The following TTBK2 variants were observed in gnomAD, a reference collection of about 807,000 sequenced individuals.
TTBK2 encodes the protein tau tubulin kinase 2, also known as tau-tubulin kinase 2.
TTBK2 carries 28 observed loss-of-function variants against 110.8 expected under a neutral mutation model. The ratio of observed to expected loss-of-function variants is 0.25; its 90% CI spans 0.19 to 0.35. The LOEUF (loss-of-function observed/expected upper bound fraction) is 0.35, where lower values mean the gene tolerates loss of function less well. Among genes scored for constraint, TTBK2 ranks in the 10% least tolerant of loss-of-function variants. The pLI is 1.00. For synonymous variants in TTBK2, 532 were observed against 527.3 expected (o/e 1.01, Z -0.12); for missense variants, 1,369 against 1,500.3 (o/e 0.91, Z 1.45).
intron 1 of TTBK2, among the ~76,000 whole-genome samples, chr15:42,902,562 T>C (rs536901423): frequency 6.6e-6 from 1 of 152,206 alleles, no homozygotes; most frequent in African/African-American, 2.4e-5. Flanking sequence ...CCAGTTCACT[T>C]CCATTAATAT....
intron 12 of TTBK2, 139 bp downstream of exon 12, chr15:42,776,892 G>C: frequency 1.3e-6 from 1 of 787,548 alleles, no homozygotes. Context: ...GAGCTGAATA[G>C]ACTCAGTGTT....
chr15:42,867,698 T>C (rs1047752477), intron 3 of TTBK2, among the ~76,000 whole-genome samples: 2 of 152,214 alleles, frequency 1.3e-5, no homozygotes, highest in African/African-American at 4.8e-5. Context: ...CTGGTGAGGA[T>C]GTGGAACAAC....
chr15:42,862,298 G>A (rs1262528986), intron 3 of TTBK2, among the ~76,000 whole-genome samples: 1 of 152,048 alleles, frequency 6.6e-6, no homozygotes, highest in South Asian at 2.1e-4. Context: ...AAAACTTCGG[G>A]CCAATATCCA....
At chr15:42,764,016 G>A (rs149675754) in intron 13 of TTBK2, among the ~76,000 whole-genome samples, 519 of 152,228 alleles carry the variant, frequency 3.4e-3, no homozygotes, top group African/African-American at 0.012. Context: ...AGAAAAGATG[G>A]ACTAAAACAA....
chr15:42,874,339 G>T (rs1894728907), intron 2 of TTBK2, among the ~76,000 whole-genome samples: 1 of 149,598 alleles, frequency 6.7e-6, no homozygotes, highest in Admixed American at 6.6e-5. Context: ...TTTTTGAGTT[G>T]GTAGTCTCAC....
At chr15:42,891,029 C>A (rs535646865) in intron 1 of TTBK2, among the ~76,000 whole-genome samples, 90 of 151,944 alleles carry the variant, frequency 5.9e-4, no homozygotes, top group Non-Finnish European at 9.0e-4. Context: ...CCACCACGCC[C>A]GGCTAATTTT....
chr15:42,796,024 G>A (rs1890924476), intron 9 of TTBK2, among the ~76,000 whole-genome samples: 1 of 152,044 alleles, frequency 6.6e-6, no homozygotes, highest in Non-Finnish European at 1.5e-5. Flanking sequence ...TGAGCCACTG[G>A]GTCAGTGCAG....
intron 14 of TTBK2, among the ~76,000 whole-genome samples, chr15:42,748,352 G>T (rs1487501851): frequency 1.3e-5 from 2 of 152,010 alleles, no homozygotes; most frequent in Non-Finnish European, 2.9e-5. Flanking sequence ...AGCTATTCGG[G>T]ACACTGAGAC....
intron 10 of TTBK2, among the ~76,000 whole-genome samples, chr15:42,794,066 C>A (rs1595916631): frequency 2.9e-5 from 4 of 137,410 alleles, no homozygotes; most frequent in African/African-American, 5.4e-5. Flanking sequence ...TTTTTTTTGA[C>A]CAAAAAGTTT....
intron 10 of TTBK2, among the ~76,000 whole-genome samples, chr15:42,790,916 C>T (rs1296456643): frequency 1.3e-5 from 2 of 152,076 alleles, no homozygotes; most frequent in African/African-American, 4.8e-5. Context: ...TGGAGTCTCG[C>T]TCTGTCATCC....
intron 6 of TTBK2, among the ~76,000 whole-genome samples, chr15:42,824,059 CCAGGCTCTTTTTAACAAT>C (rs1892423877): frequency 6.6e-6 from 1 of 152,006 alleles, no homozygotes; most frequent in African/African-American, 2.4e-5. Context: ...GGGGAAGGTG[CCAGGCTCTTTTTAACAAT>C]CAGCTCTCAT....
intron 3 of TTBK2, among the ~76,000 whole-genome samples, chr15:42,840,980 T>G (rs1027825588): frequency 2.6e-5 from 4 of 152,080 alleles, no homozygotes; most frequent in African/African-American, 9.7e-5. Flanking sequence ...AGCAGAAATC[T>G]CATTAAAGAA....
Position 42,752,168 on chromosome 15 carries a change from C to G in TTBK2, c.3078G>C (p.Leu1026=), listed in dbSNP as rs1411301879. The change falls in exon 14 of 15, where the codon CTG becomes CTC. Residue 1026 remains leucine, a synonymous_variant. Transcript: ENST00000267890. ...EEEVLTPFSR[L]TVDSHLSRSA... is the part of the protein sequence containing the mutation. The stretch of plus-strand genomic sequence containing the variant: ...ACCTACTCAGGTGAGAATCTACTGT[C>G]AGTCTTGAAAAGGGAGTGAGCACTT... 6.2e-7 allele frequency: 1 copy of G among 1,614,174 alleles called. No individual in the cohort carries two copies. The highest frequency in any genetic ancestry group is 8.5e-7 in the Non-Finnish European group (1 of 1,180,034).
At chr15:42,813,374 T>C (rs1290729580) in intron 7 of TTBK2, among the ~76,000 whole-genome samples, 1 of 151,458 alleles carries the variant, frequency 6.6e-6, no homozygotes, top group Non-Finnish European at 1.5e-5. Flanking sequence ...ATACAAAAAT[T>C]AGCCAAGTGT....
chr15:42,821,687 T>G (rs151140746), intron 6 of TTBK2, among the ~76,000 whole-genome samples: 2,339 of 130,666 alleles, frequency 0.018, 63 homozygotes, highest in African/African-American at 0.074. Flanking sequence ...TTGTTTTTTG[T>G]TTTTTTTTTG....
At chr15:42,815,860 A>C (rs112255843) in intron 7 of TTBK2, among the ~76,000 whole-genome samples, 2,370 of 123,132 alleles carry the variant, frequency 0.019, 65 homozygotes, top group African/African-American at 0.048. Context: ...CTCTCTCTCT[A>C]TATATATATA....
chr15:42,794,665 C>T lies in TTBK2; in HGVS notation c.959G>A (p.Arg320His), dbSNP rs1357204824. 23 of 1,613,898 alleles carry T rather than the reference C, an allele frequency of 1.4e-5. No individual in the cohort carries two copies. The highest frequency in any genetic ancestry group is 1.9e-5 in the Non-Finnish European group (22 of 1,180,016). The change falls in exon 10 of 15, where the codon CGC becomes CAC. Residue 320 changes from arginine (R) to histidine (H), a missense_variant. Arg to His is a conservative substitution (Grantham distance 29). Transcript: ENST00000267890. Reference protein sequence around the residue: ...TTSTTPQLHTRLTPAAIGIAN... With the variant: ...TTSTTPQLHTHLTPAAIGIAN... ...ATACCCAATTGCAGCAGGGGTCAAGCGAGTGTGCAACTGAGGGGTGGTAGA... is the reference window on the plus strand; with the variant it reads ...ATACCCAATTGCAGCAGGGGTCAAGTGAGTGTGCAACTGAGGGGTGGTAGA...
intron 3 of TTBK2, among the ~76,000 whole-genome samples, chr15:42,844,705 G>A (rs1406296711): frequency 6.6e-6 from 1 of 152,142 alleles, no homozygotes; most frequent in Non-Finnish European, 1.5e-5. Context: ...AGAAATAGAG[G>A]CCTAGGGAGG....
rs2061741571 is a variant in TTBK2, at chr15:42,740,178, G to A, written c.*5617C>T. On this transcript the variant is annotated 3_prime_UTR_variant, in exon 15 of 15. Coordinates refer to ENST00000267890, the MANE Select transcript of TTBK2 (RefSeq NM_173500.4). ...GGGAGGCATGGTCAGCATCGCCAGTGTACATATATTCTGTGCCCATACTAC... is the reference window on the plus strand; with the variant it reads ...GGGAGGCATGGTCAGCATCGCCAGTATACATATATTCTGTGCCCATACTAC... 6.6e-6 allele frequency: 1 copy of A among 152,168 alleles called. No individual in the cohort carries two copies. The highest frequency in any genetic ancestry group is 2.1e-4 in the South Asian group (1 of 4,824). 9.4% of individuals were successfully genotyped at this position (152,168 alleles called of 1,614,324 possible).
Sources: gnomAD v4.1 joint callset for allele counts (sites outside exome capture counted in the v4.1 genomes callset) on GRCh38, gnomAD v4.1.1 for gene constraint, MANE v1.5 for transcripts, NCBI Gene and HGNC (gene_info 2026-07-23, HGNC 2026-07-21) for gene names.